The following GOLGA5 variants were observed in gnomAD, a reference collection of about 807,000 sequenced individuals.
GOLGA5 encodes the protein golgin A5, also known as golgin subfamily A member 5.
Under a neutral mutation model 93.5 loss-of-function variants are expected in GOLGA5, and 50 were observed. That is an observed-to-expected ratio of 0.53 (90% confidence interval 0.43 to 0.68). GOLGA5 has a LOEUF of 0.68. Ranked by LOEUF, GOLGA5 falls within the 30% of genes least tolerant of loss-of-function variation. The probability of loss-of-function intolerance (pLI) is 0.00; values close to 1 mark genes in which losing one functional copy is unlikely to be tolerated. For missense variants in GOLGA5, 760 were observed against 856.4 expected (o/e 0.89, Z 1.40); for synonymous variants, 312 against 304.5 (o/e 1.02, Z -0.26).
At chr14:92,827,358 A>G (rs1194621755) in intron 9 of GOLGA5, among the ~76,000 whole-genome samples, 1 of 152,144 alleles carries the variant, frequency 6.6e-6, no homozygotes, top group African/African-American at 2.4e-5. Context: ...TTTTTTAATT[A>G]TATCTGTGGT....
At chr14:92,796,320 T>TC (rs1884725347) in intron 1 of GOLGA5, among the ~76,000 whole-genome samples, 1 of 152,244 alleles carries the variant, frequency 6.6e-6, no homozygotes, top group African/African-American at 2.4e-5. Flanking sequence ...TGTAGCAAAG[T>TC]ACCACAGATT....
chr14:92,818,873 G>A (rs930238405), intron 7 of GOLGA5, among the ~76,000 whole-genome samples: 1 of 152,138 alleles, frequency 6.6e-6, no homozygotes, highest in Non-Finnish European at 1.5e-5. Context: ...AGATTTGACA[G>A]GAAATCCAGA....
At chr14:92,801,735 C>CT (rs11388778) in intron 2 of GOLGA5, among the ~76,000 whole-genome samples, 97,520 of 143,240 alleles carry the variant, frequency 0.68, 33,239 homozygotes, top group East Asian at 0.79. Flanking sequence ...TTCCCTTTTT[C>CT]TTTTTTTTTT....
chr14:92,816,497 G>A, intron 7 of GOLGA5, 76 bp downstream of exon 7: 1 of 1,224,852 alleles, frequency 8.2e-7, no homozygotes, highest in Non-Finnish European at 1.2e-6. Flanking sequence ...TGGGGAAACA[G>A]CATTACTAAA....
intron 7 of GOLGA5, among the ~76,000 whole-genome samples, chr14:92,819,464 TAA>T (rs57978535): frequency 7.4e-5 from 10 of 134,628 alleles, no homozygotes; most frequent in Admixed American, 1.5e-4. Flanking sequence ...TCCCATCTCT[TAA>T]AAAAAAAAAA....
At chr14:92,802,537 TAGAG>T (rs1298450430) in intron 2 of GOLGA5, among the ~76,000 whole-genome samples, 1 of 152,098 alleles carries the variant, frequency 6.6e-6, no homozygotes, top group Non-Finnish European at 1.5e-5. Flanking sequence ...TTCTTTGTCT[TAGAG>T]GGAATACTTT....
chr14:92,827,577 A>G (rs1885448495), intron 9 of GOLGA5, among the ~76,000 whole-genome samples: 1 of 152,154 alleles, frequency 6.6e-6, no homozygotes, highest in Admixed American at 6.5e-5. Context: ...TAATAAACCT[A>G]CAATGGCCTC....
Position 92,811,883 on chromosome 14 carries a change from A to G in GOLGA5, c.1320+129A>G. The stretch of plus-strand genomic sequence containing the variant: ...CTGATTGGCTAGCTTTAGGTGCCTT[A>G]CTCTACTTTAGAAATTTTATTAAAG... On this transcript the variant is annotated intron_variant, in intron 6 of 12. Transcript: ENST00000163416. 8.9e-6 allele frequency: 6 copies of G among 674,470 alleles called. No homozygotes were observed. The South Asian group carries it at 9.0e-5, about 10-fold the overall frequency. The allele number at this position is 674,470 out of a possible 1,614,324, so 41.8% of individuals were successfully genotyped here.
chr14:92,839,811 A>G lies in GOLGA5; in HGVS notation c.*365A>G. 1 of 146,138 alleles carries G rather than the reference A, an allele frequency of 6.8e-6. No individual in the cohort carries two copies. Among genetic ancestry groups the G allele is most frequent in the Non-Finnish European group, 1.1e-5 (1 of 92,118 alleles). 9.1% of individuals were successfully genotyped at this position (146,138 alleles called of 1,614,324 possible). ...CTAATTGTATTTAGTGACAAAAATAAAAAGTTTTTTTTTATAATTCAGTCT... is the reference window on the plus strand; with the variant it reads ...CTAATTGTATTTAGTGACAAAAATAGAAAGTTTTTTTTTATAATTCAGTCT... On this transcript the variant is annotated 3_prime_UTR_variant, in exon 13 of 13. Transcript: ENST00000163416.
intron 7 of GOLGA5, among the ~76,000 whole-genome samples, chr14:92,817,727 C>T (rs1885239113): frequency 6.6e-6 from 1 of 152,096 alleles, no homozygotes; most frequent in African/African-American, 2.4e-5. Context: ...CAAAAGAAAG[C>T]GTGAAAGTTG....
At chr14:92,806,654 T>C in intron 2 of GOLGA5, 82 bp from the exon 3 acceptor site, 1 of 909,320 alleles carries the variant, frequency 1.1e-6, no homozygotes. Context: ...AGCAGTCAAC[T>C]TGAGCATCCT....
chr14:92,819,430 A>G (rs897932713), intron 7 of GOLGA5, among the ~76,000 whole-genome samples: 2 of 151,720 alleles, frequency 1.3e-5, no homozygotes, highest in Admixed American at 6.6e-5. Context: ...GGACTTTGCA[A>G]CCAGCCTGTG....
chr14:92,811,709 G>A lies in GOLGA5; in HGVS notation c.1275G>A (p.Lys425=). ...ATAAGTTGAACTTGGAGTCCTCTAAGCAGGAATTAATTGACTACAAGCAAA... is the reference window on the plus strand; with the variant it reads ...ATAAGTTGAACTTGGAGTCCTCTAAACAGGAATTAATTGACTACAAGCAAA... ...KLYKLNLESS[K]QELIDYKQKA... Residue 425 remains lysine, a synonymous_variant, in exon 6 of 13, where the codon AAG becomes AAA. Coordinates refer to ENST00000163416, the MANE Select transcript of GOLGA5 (RefSeq NM_005113.4). 6.2e-7 allele frequency: 1 copy of A among 1,613,336 alleles called. No individual in the cohort carries two copies. Among genetic ancestry groups the A allele is most frequent in the Non-Finnish European group, 8.5e-7 (1 of 1,179,584 alleles).
chr14:92,839,253 C>T, intron 12 of GOLGA5, 113 bp from the exon 13 acceptor site: 1 of 683,548 alleles, frequency 1.5e-6, no homozygotes, highest in Non-Finnish European at 2.7e-6. Flanking sequence ...CTTCATGTGT[C>T]CCATAGGGGA....
At chr14:92,826,959 A>C (rs1447381234) in intron 9 of GOLGA5, among the ~76,000 whole-genome samples, 8 of 152,202 alleles carry the variant, frequency 5.3e-5, no homozygotes, top group Admixed American at 5.2e-4. Context: ...ATTGCTATTC[A>C]TAAAAATTAA....
At chr14:92,835,387 T>C (rs1885618959) in intron 10 of GOLGA5, among the ~76,000 whole-genome samples, 172 bp from the exon 11 acceptor site, 1 of 152,236 alleles carries the variant, frequency 6.6e-6, no homozygotes, top group South Asian at 2.1e-4. Flanking sequence ...TGTTTAAATA[T>C]TTATGTCATC....
chr14:92,798,056 C>T (rs912926947), intron 2 of GOLGA5, 75 bp downstream of exon 2: 11 of 959,768 alleles, frequency 1.1e-5, no homozygotes, highest in Non-Finnish European at 1.7e-5. Context: ...GATGGTGTTT[C>T]TCATCTACTG....
At chr14:92,794,636 C>T (rs1194617680) in intron 1 of GOLGA5, among the ~76,000 whole-genome samples, 180 bp downstream of exon 1, 2 of 152,270 alleles carry the variant, frequency 1.3e-5, no homozygotes, top group Admixed American at 6.5e-5. Context: ...CAGCCGACGT[C>T]GTTTACTGCC....
chr14:92,806,640 C>A, intron 2 of GOLGA5, 96 bp from the exon 3 acceptor site: 1 of 797,030 alleles, frequency 1.3e-6, no homozygotes, highest in Non-Finnish European at 2.1e-6. Flanking sequence ...GGTGTTTTAG[C>A]TGTAGCAGTC....
Sources: allele counts gnomAD v4.1 joint callset (sites outside exome capture counted in the v4.1 genomes callset), GRCh38; gene constraint gnomAD v4.1.1; transcripts MANE v1.5; gene names NCBI Gene and HGNC (gene_info 2026-07-23, HGNC 2026-07-21).